Variants in MED12L observed in about 807,000 individuals in gnomAD.
MED12L encodes mediator of RNA polymerase II transcription subunit 12-like protein.
Under a neutral mutation model 281.3 loss-of-function variants are expected in MED12L, and 60 were observed. The observed-to-expected ratio is 0.21, with a 90% CI of 0.17 to 0.26. The LOEUF is 0.26. MED12L is among the 10% of genes least tolerant of loss of function. The probability of loss-of-function intolerance (pLI) is 1.00; values close to 1 mark genes in which losing one functional copy is unlikely to be tolerated. For missense variants in MED12L, 2,146 were observed against 2,680.9 expected, an observed-to-expected ratio of 0.80 and a Z score of 4.41; for synonymous variants, 974 against 987.2, an observed-to-expected ratio of 0.99 and a Z score of 0.25.
chr3:151,355,338 C>T, intron 18 of MED12L, 99 bp downstream of exon 18: 1 of 713,482 alleles, frequency 1.4e-6, no homozygotes, highest in Non-Finnish European at 2.4e-6. Context: ...TGGTTTTAGA[C>T]ATATATTTTA....
At chr3:151,170,584 T>G (rs1721306674) in intron 11 of MED12L, among the ~76,000 whole-genome samples, 1 of 152,196 alleles carries the variant, frequency 6.6e-6, no homozygotes, top group Non-Finnish European at 1.5e-5. Flanking sequence ...TGGAATGTGC[T>G]AATTCTTTAC....
intron 32 of MED12L, among the ~76,000 whole-genome samples, chr3:151,380,617 A>G (rs1577507165): frequency 6.8e-6 from 1 of 147,638 alleles, no homozygotes; most frequent in East Asian, 2.0e-4. Context: ...AAAAAAAAAC[A>G]ACTAGTAAGG....
In MED12L at chr3:151,397,860, A is replaced by G. The variant is rs189752455; in HGVS notation, c.5820+2993A>G. On this transcript the variant is annotated intron_variant, in intron 39 of 44. Coordinates refer to ENST00000687756, the MANE Select transcript of MED12L (RefSeq NM_001393769.1). ...CCATTTTCTTAAATATAACAAACAT[A>G]TTAGAGAATTTCCATTTATATTAAC... Among the ~76,000 whole-genome samples the G allele has an allele frequency of 1.3e-3, 196 of 152,336 alleles. 2 individuals carry two copies. Among genetic ancestry groups the G allele is most frequent in the African/African-American group, 4.6e-3 (190 of 41,570 alleles).
intron 16 of MED12L, chr3:151,294,998 A>G (rs770874672): frequency 1.9e-6 from 3 of 1,613,442 alleles, no homozygotes; most frequent in Non-Finnish European, 2.5e-6. Context: ...TGCAACCACT[A>G]TGTTTTTGAG....
chr3:151,213,929 A>C lies in MED12L; in HGVS notation c.2250+20263A>C, dbSNP rs746143464. ...CTGTAACTCACTGACTGGATGAAAG[A>C]AGTCCAAAGAGGCTTTACAATTTTA... On this transcript the variant is annotated intron_variant, in intron 16 of 44. Coordinates refer to ENST00000687756, the MANE Select transcript of MED12L (RefSeq NM_001393769.1). 1 of 1,614,188 alleles carries C rather than the reference A, an allele frequency of 6.2e-7. No homozygotes were observed. Among genetic ancestry groups the C allele is most frequent in the South Asian group, 1.1e-5 (1 of 91,088 alleles).
At chr3:151,338,672 G>A (rs1560046839) in intron 16 of MED12L, 1 of 1,613,724 alleles carries the variant, frequency 6.2e-7, no homozygotes, top group Non-Finnish European at 8.5e-7. Flanking sequence ...AAATAATAAA[G>A]TTTGATTTAC....
intron 16 of MED12L, among the ~76,000 whole-genome samples, chr3:151,271,036 A>G (rs1019543154): frequency 6.6e-6 from 1 of 152,136 alleles, no homozygotes; most frequent in African/African-American, 2.4e-5. Context: ...AAAAATCCCC[A>G]AATTTAAAAC....
chr3:151,365,122 T>A lies in MED12L; in HGVS notation c.3101T>A (p.Ile1034Asn), dbSNP rs748739505. 11 of 1,613,916 alleles carry A rather than the reference T, an allele frequency of 6.8e-6. No homozygotes were observed. The highest frequency in any genetic ancestry group is 1.1e-5 in the South Asian group (1 of 91,082). Reference sequence around the variant, plus strand: ...ATCAACTACTCAATGCTGGGCAAGATCCTCAGTGACAATGCGGCCAATCGC... The same window carrying A: ...ATCAACTACTCAATGCTGGGCAAGAACCTCAGTGACAATGCGGCCAATCGC... The part of the protein sequence containing the change: ...RSINYSMLGK[I>N]LSDNAANRYS... Residue 1034 changes from isoleucine to asparagine, a missense_variant, in exon 22 of 45, where the codon ATC (isoleucine) becomes AAC (asparagine). Around this residue, in one of 9 missense-constraint regions of MED12L, gnomAD observed 404 missense variants for 603.5 expected, o/e 0.67. Coordinates refer to ENST00000687756, the MANE Select transcript of MED12L (RefSeq NM_001393769.1).
intron 14 of MED12L, 127 bp from the exon 15 acceptor site, chr3:151,192,423 G>A (rs542115550): frequency 2.2e-4 from 153 of 683,792 alleles, no homozygotes; most frequent in Non-Finnish European, 3.4e-4. Context: ...TTCAATTTGC[G>A]GGGAAGAAAA....
intron 16 of MED12L, among the ~76,000 whole-genome samples, chr3:151,319,462 T>TGC (rs1189682093): frequency 3.1e-5 from 3 of 95,528 alleles, no homozygotes; most frequent in Admixed American, 2.2e-4. Flanking sequence ...TGTGTGTGTG[T>TGC]GTGTGCGTGT....
chr3:151,434,325 A>C lies in MED12L; in HGVS notation c.*1521A>C, dbSNP rs1217160036. 2 of 152,158 alleles carry C rather than the reference A, an allele frequency of 1.3e-5. No homozygotes were observed. Among genetic ancestry groups the C allele is most frequent in the Non-Finnish European group, 2.9e-5 (2 of 68,040 alleles). 9.4% of individuals were successfully genotyped at this position (152,158 alleles called of 1,614,324 possible). A position where few individuals can be genotyped will look rare whatever the true frequency, so the allele number is the denominator to read the frequency against. On this transcript the variant is annotated 3_prime_UTR_variant, in exon 45 of 45. Transcript: ENST00000687756. ...TTCCTGGGTGAGTTACTCATTGCAA[A>C]GTTTGACTCATGCAAATGACCTCAA...
At chr3:151,195,429 T>C (rs780837769) in intron 16 of MED12L, among the ~76,000 whole-genome samples, 1 of 152,146 alleles carries the variant, frequency 6.6e-6, no homozygotes, top group Non-Finnish European at 1.5e-5. Flanking sequence ...TTTTTCCTTA[T>C]TACAATTAAT....
chr3:151,227,133 C>T (rs1370807749), intron 16 of MED12L, among the ~76,000 whole-genome samples: 1 of 152,230 alleles, frequency 6.6e-6, no homozygotes, highest in East Asian at 1.9e-4. Flanking sequence ...GAATCCAGGT[C>T]AGTGACCAAC....
intron 16 of MED12L, among the ~76,000 whole-genome samples, chr3:151,311,703 A>C (rs745498203): frequency 3.3e-5 from 5 of 152,192 alleles, no homozygotes. Context: ...GATATGTAGC[A>C]CTGTTTTCTA....
chr3:151,146,832 TC>T, intron 5 of MED12L, among the ~76,000 whole-genome samples: 1 of 152,306 alleles, frequency 6.6e-6, no homozygotes, highest in East Asian at 1.9e-4. Context: ...TTCTCTCTTT[TC>T]CTGCTCTCCA....
intron 16 of MED12L, among the ~76,000 whole-genome samples, chr3:151,308,193 A>C (rs2149761552): frequency 6.6e-6 from 1 of 152,256 alleles, no homozygotes; most frequent in Non-Finnish European, 1.5e-5. Flanking sequence ...TTAAACAGAA[A>C]ATAAAAATAC....
At chr3:151,338,186 G>A (rs754207964) in intron 16 of MED12L, 62 of 1,613,820 alleles carry the variant, frequency 3.8e-5, no homozygotes, top group Middle Eastern at 1.6e-4. Context: ...TCGTTCTTAC[G>A]TATGACCGGT....
chr3:151,302,684 C>G (rs891495063), intron 16 of MED12L, among the ~76,000 whole-genome samples: 3 of 152,152 alleles, frequency 2.0e-5, no homozygotes, highest in African/African-American at 4.8e-5. Flanking sequence ...TCTTCATACC[C>G]ATTCCTGCCC....
At chr3:151,368,672 T>G (rs140085776) in intron 25 of MED12L, among the ~76,000 whole-genome samples, 1,200 of 64,794 alleles carry the variant, frequency 0.019, 38 homozygotes, top group East Asian at 0.075. Flanking sequence ...TTCATTTCAT[T>G]TCATGTCATT....
Sources: gnomAD v4.1 joint callset for allele counts (sites outside exome capture counted in the v4.1 genomes callset) on GRCh38, gnomAD v4.1.1 for gene constraint, gnomAD v4.1.1 regional missense constraint, MANE v1.5 for transcripts, NCBI Gene and HGNC (gene_info 2026-07-23, HGNC 2026-07-21) for gene names.